Variants in ESPNL observed in about 807,000 individuals in gnomAD.
The protein encoded by ESPNL is espin like.
A neutral mutation model predicts 46.8 loss-of-function variants in ESPNL; 49 were observed. The observed-to-expected ratio is 1.05, with a 90% CI of 0.83 to 1.33. The LOEUF (loss-of-function observed/expected upper bound fraction) is 1.33, where lower values mean the gene tolerates loss of function less well. Ranked by LOEUF, ESPNL falls within the 40% of genes most tolerant of loss-of-function variation. The probability of loss-of-function intolerance (pLI) is 0.00; values close to 1 mark genes in which losing one functional copy is unlikely to be tolerated. For synonymous variants in ESPNL, 664 were observed against 662.1 expected, an observed-to-expected ratio of 1.00 and a Z score of -0.04; for missense variants, 1,540 against 1,436.6, an observed-to-expected ratio of 1.07 and a Z score of -1.16.
At chr2:238,101,841 G>A (rs1691485253) in intron 1 of ESPNL, 100 bp from the exon 2 acceptor site, 1 of 822,786 alleles carries the variant, frequency 1.2e-6, no homozygotes. Context: ...CCTTCACTGG[G>A]TTGCAGGCAG....
In ESPNL at chr2:238,125,364, C is replaced by T; in HGVS notation, c.1082C>T (p.Pro361Leu). The change falls in exon 6 of 9, where the codon CCA becomes CTA. Residue 361 changes from proline to leucine, a missense_variant. Transcript: ENST00000343063. ...CTGGAGGATGGAAGAAGAGGAGGCC[C>T]AGGGCCAGGGAACCCCAGCCGTGAG... ...RSLEDGRRGG[P>L]GPGNPSPMSL... 1.3e-6 allele frequency: 2 copies of T among 1,564,456 alleles called. No individual in the cohort carries two copies. Among genetic ancestry groups the T allele is most frequent in the Non-Finnish European group, 1.7e-6 (2 of 1,155,342 alleles).
In ESPNL at chr2:238,102,099, C is replaced by T. The variant is rs140042185; in HGVS notation, c.453C>T (p.Thr151=). The part of the protein sequence containing the change: ...LHHAAVSGDL[T]CLKLLTAAHG... ...ACGCTGCCGTCAGTGGGGACCTGAC[C>T]TGCCTCAAGCTCCTGACAGCCGCGC... The change falls in exon 2 of 9, where the codon ACC becomes ACT. Residue 151 remains threonine (T), a synonymous_variant. Coordinates refer to ENST00000343063, the MANE Select transcript of ESPNL (RefSeq NM_194312.4). 3.2e-6 allele frequency: 5 copies of T among 1,567,312 alleles called. No homozygotes were observed. Among genetic ancestry groups the T allele is most frequent in the Admixed American group, 3.7e-5 (2 of 53,890 alleles).
chr2:238,104,897 C>G (rs1002632995), intron 3 of ESPNL, 55 bp downstream of exon 3: 1 of 1,368,832 alleles, frequency 7.3e-7, no homozygotes, highest in African/African-American at 1.5e-5. Flanking sequence ...GGCCCTCCAG[C>G]AAGCAGAGCC....
intron 5 of ESPNL, among the ~76,000 whole-genome samples, chr2:238,117,966 T>G (rs1574736004): frequency 4.3e-5 from 6 of 138,960 alleles, no homozygotes; most frequent in African/African-American, 1.4e-4. Context: ...GGAGGGGAGG[T>G]GGACAGAGGA....
chr2:238,119,561 G>A (rs1424632411), intron 5 of ESPNL, among the ~76,000 whole-genome samples: 2 of 142,534 alleles, frequency 1.4e-5, no homozygotes, highest in Non-Finnish European at 3.0e-5. Flanking sequence ...GGATGAAGGA[G>A]GAATGGATGG....
intron 3 of ESPNL, among the ~76,000 whole-genome samples, chr2:238,105,394 C>T (rs1047562182): frequency 6.6e-6 from 1 of 151,830 alleles, no homozygotes; most frequent in Admixed American, 6.6e-5. Flanking sequence ...GGACCTGTAA[C>T]CCCAGCTACT....
At chr2:238,111,284 G>A (rs948110072) in intron 4 of ESPNL, among the ~76,000 whole-genome samples, 1 of 152,092 alleles carries the variant, frequency 6.6e-6, no homozygotes, top group Admixed American at 6.6e-5. Flanking sequence ...GTTAAATTGT[G>A]ATTAAAAAAT....
In ESPNL at chr2:238,114,565, T is replaced by G. The variant is rs1484212247; in HGVS notation, c.856-2338T>G. Among the ~76,000 whole-genome samples, 1 of 152,104 alleles carries G rather than the reference T, an allele frequency of 6.6e-6. No individual in the cohort carries two copies. The highest frequency in any genetic ancestry group is 1.9e-4 in the East Asian group (1 of 5,170). The stretch of plus-strand genomic sequence containing the variant: ...CCGGTGTCCTTGCACATCTGACAAA[T>G]GCTTCCTGCTTCCTCAGCCACACCA... On this transcript the variant is annotated intron_variant, in intron 4 of 8. Transcript: ENST00000343063. The surrounding 1 kb of genome is among the most constrained non-coding windows in gnomAD (Gnocchi z 5.0).
rs759191860 is a variant in ESPNL at position 238,130,142 on chromosome 2, C to A, written c.1428C>A (p.Ser476Arg). Residue 476 changes from serine to arginine, a missense_variant, in exon 9 of 9, where the codon AGC becomes AGA. By Grantham distance (110) the Ser-to-Arg change is moderately radical (BLOSUM62 -1). Transcript: ENST00000343063. ...CCTGTGCCCAGGACAATGGTGGGAGCTCAGGCCCCACGGAGCAGGCGGCCT... is the reference window on the plus strand; with the variant it reads ...CCTGTGCCCAGGACAATGGTGGGAGATCAGGCCCCACGGAGCAGGCGGCCT... ...SSAEAQDNGG[S>R]SGPTEQAAWR... 1 of 1,611,232 alleles carries A rather than the reference C, an allele frequency of 6.2e-7. No individual in the cohort carries two copies. The highest frequency in any genetic ancestry group is 8.5e-7 in the Non-Finnish European group (1 of 1,178,818).
chr2:238,131,417 C>T lies in ESPNL; in HGVS notation c.2703C>T (p.His901=). Residue 901 remains histidine (H), a synonymous_variant, in exon 9 of 9, where the codon CAC becomes CAT. Transcript: ENST00000343063. ...THGWEAVRAF[H]KAVTDEVAAG... is the part of the protein sequence containing the mutation. ...GCTGGGAGGCTGTGCGCGCCTTCCA[C>T]AAGGCCGTGACCGACGAGGTGGCCG... 4.4e-6 allele frequency: 7 copies of T among 1,608,854 alleles called. No individual in the cohort carries two copies. The South Asian group carries it at 7.7e-5, about 18-fold the overall frequency.
rs529081309 is a variant in ESPNL at position 238,121,156 on chromosome 2, G to A, written c.988-4114G>A. ...CCCCTCTCCACGCAATGAGGGATGC[G>A]GTCTTGAAGGCCAGGGGCTGCCCTC... is the stretch of plus-strand genomic sequence containing the variant. On this transcript the variant is annotated intron_variant, in intron 5 of 8. Coordinates refer to ENST00000343063, the MANE Select transcript of ESPNL (RefSeq NM_194312.4). Among the ~76,000 whole-genome samples the A allele has an allele frequency of 7.2e-5, 11 of 152,316 alleles. No individual in the cohort carries two copies. In the South Asian group the frequency reaches 1.9e-3, roughly 26 times the overall value.
intron 5 of ESPNL, among the ~76,000 whole-genome samples, chr2:238,124,912 G>A (rs1040014653): frequency 8.5e-5 from 13 of 152,170 alleles, no homozygotes; most frequent in Non-Finnish European, 1.8e-4. Context: ...ACCACAGGGC[G>A]CTGGGCACAG....
intron 6 of ESPNL, among the ~76,000 whole-genome samples, chr2:238,127,231 T>G (rs1692158849): frequency 6.6e-6 from 1 of 152,236 alleles, no homozygotes. Context: ...AGACGTGTTC[T>G]TCACTCGAGG....
rs760779795 is a variant in ESPNL, at chr2:238,131,672, C to A, written c.2958C>A (p.Ile986=). ...ACGGTGAGGACATCTGCGGCTACAT[C>A]AACCGCAGCTTTGCCTTCTGGAAGG... The part of the protein sequence containing the change: ...SFNGEDICGY[I]NRSFAFWKEK... Residue 986 remains isoleucine (I), a synonymous_variant, in exon 9 of 9, where the codon ATC becomes ATA. Transcript: ENST00000343063. 8 of 1,601,358 alleles carry A rather than the reference C, an allele frequency of 5.0e-6. No individual in the cohort carries two copies. The East Asian group carries it at 1.8e-4, about 36-fold the overall frequency.
chr2:238,107,631 C>T (rs1691625294), intron 3 of ESPNL, among the ~76,000 whole-genome samples, 160 bp from the exon 4 acceptor site: 1 of 152,210 alleles, frequency 6.6e-6, no homozygotes, highest in Non-Finnish European at 1.5e-5. Context: ...GTGACGGGGA[C>T]GCACGTGCTC....
chr2:238,101,847 G>C, intron 1 of ESPNL, 94 bp from the exon 2 acceptor site: 2 of 876,134 alleles, frequency 2.3e-6, no homozygotes, highest in South Asian at 3.2e-5. Flanking sequence ...CTGGGTTGCA[G>C]GCAGTGTGAG....
chr2:238,109,976 C>A (rs1691682435), intron 4 of ESPNL, among the ~76,000 whole-genome samples: 1 of 149,720 alleles, frequency 6.7e-6, no homozygotes, highest in South Asian at 2.1e-4. Flanking sequence ...CCACACGTTA[C>A]CGAGTGCCCC....
rs1463793054 is a variant in ESPNL at position 238,102,005 on chromosome 2, T to C, written c.359T>C (p.Val120Ala). The C allele has an allele frequency of 2.5e-6, 4 of 1,609,764 alleles. No homozygotes were observed. In the African/African-American group the frequency reaches 5.3e-5, roughly 22 times the overall value. ...GCCCGTTTTGGACACCCAGTGCTGGTGGAGTGGCTGCTCCACGAGGGCCAC... is the reference window on the plus strand; with the variant it reads ...GCCCGTTTTGGACACCCAGTGCTGGCGGAGTGGCTGCTCCACGAGGGCCAC... ...LAARFGHPVLVEWLLHEGHSA... is the reference protein window; with the variant it reads ...LAARFGHPVLAEWLLHEGHSA... Residue 120 changes from valine (V) to alanine (A), a missense_variant, in exon 2 of 9, where the codon GTG becomes GCG. Transcript: ENST00000343063.
intron 5 of ESPNL, among the ~76,000 whole-genome samples, chr2:238,119,224 A>AGGAGGGTGGATGGAGGAGGGTGGAT: frequency 9.7e-6 from 1 of 102,638 alleles, no homozygotes; most frequent in Non-Finnish European, 1.9e-5. Flanking sequence ...GGAGGGTGGA[A>AGGAGGGTGGATGGAGGAGGGTGGAT]GGAAGAGGGT....
Sources: gnomAD v4.1 joint callset for allele counts (sites outside exome capture counted in the v4.1 genomes callset) on GRCh38, gnomAD v4.1.1 for gene constraint, Gnocchi (gnomAD v3.1) non-coding constraint, MANE v1.5 for transcripts, NCBI Gene and HGNC (gene_info 2026-07-23, HGNC 2026-07-21) for gene names.